Variants in DGKB observed in about 807,000 individuals in gnomAD.
DGKB encodes the protein 90 kDa diacylglycerol kinase.
A neutral mutation model predicts 114.3 loss-of-function variants in DGKB; 67 were observed. The ratio of observed to expected loss-of-function variants is 0.59; its 90% CI spans 0.48 to 0.72. DGKB has a LOEUF of 0.72. Ranked by LOEUF, DGKB falls within the 30% of genes least tolerant of loss-of-function variation. The pLI, the probability that DGKB is intolerant of heterozygous loss-of-function variation, is 0.00. For synonymous variants in DGKB, 398 were observed against 323.1 expected, an observed-to-expected ratio of 1.23 and a Z score of -2.49; for missense variants, 907 against 975.2, an observed-to-expected ratio of 0.93 and a Z score of 0.93.
intron 23 of DGKB, among the ~76,000 whole-genome samples, chr7:14,298,607 A>C (rs768323295): frequency 1.3e-5 from 2 of 152,198 alleles, no homozygotes; most frequent in African/African-American, 2.4e-5. Flanking sequence ...AAACCCAGGC[A>C]ATACCACTCA....
intron 2 of DGKB, among the ~76,000 whole-genome samples, chr7:14,787,171 G>C (rs1185249579): frequency 6.6e-6 from 1 of 152,166 alleles, no homozygotes; most frequent in Admixed American, 6.5e-5. Flanking sequence ...TACGGGCCAA[G>C]AACTCAGGAC....
intron 23 of DGKB, among the ~76,000 whole-genome samples, chr7:14,316,655 CAAA>C (rs1320525135): frequency 4.4e-5 from 6 of 137,528 alleles, no homozygotes; most frequent in African/African-American, 1.7e-4. Context: ...GCTTACCAAC[CAAA>C]AAGAGTCCAG....
chr7:14,852,219 A>T (rs952944163), intron 1 of DGKB, among the ~76,000 whole-genome samples: 1 of 151,814 alleles, frequency 6.6e-6, no homozygotes, highest in African/African-American at 2.4e-5. Context: ...TGTATGTTTA[A>T]CTCTTAATTT....
rs549316470 is a variant in DGKB at position 14,260,631 on chromosome 7, G to C, written c.2122+77884C>G. ...CTTCCTATTACATCAGTTAGGTTAG[G>C]AACTTTCTATCGGTATAATTAGGGG... is the stretch of plus-strand genomic sequence containing the variant. On this transcript the variant is annotated intron_variant, in intron 23 of 25. Transcript: ENST00000402815. 4.6e-5 allele frequency among the ~76,000 whole-genome samples: 7 copies of C among 152,226 alleles called. No individual in the cohort carries two copies. In the East Asian group the frequency reaches 9.7e-4, roughly 21 times the overall value.
intron 23 of DGKB, among the ~76,000 whole-genome samples, chr7:14,187,459 C>G (rs1301125245): frequency 6.6e-6 from 1 of 152,232 alleles, no homozygotes; most frequent in African/African-American, 2.4e-5. Context: ...GGTCCAACAG[C>G]TGGTCCAGTG....
chr7:14,486,584 T>C (rs1783843814), intron 20 of DGKB, among the ~76,000 whole-genome samples: 1 of 152,144 alleles, frequency 6.6e-6, no homozygotes, highest in South Asian at 2.1e-4. Flanking sequence ...TGTGGGGATC[T>C]CAACTGGCCA....
intron 13 of DGKB, among the ~76,000 whole-genome samples, chr7:14,652,328 C>G (rs906395823): frequency 6.6e-6 from 1 of 152,050 alleles, no homozygotes; most frequent in African/African-American, 2.4e-5. Flanking sequence ...CAGAACAGAG[C>G]CCTCAGAAAT....
intron 23 of DGKB, among the ~76,000 whole-genome samples, chr7:14,202,073 C>A (rs1785980457): frequency 6.6e-6 from 1 of 151,916 alleles, no homozygotes; most frequent in South Asian, 2.1e-4. Flanking sequence ...AAATATATTT[C>A]TTTTGATAAA....
chr7:14,378,554 A>G (rs111798851), intron 21 of DGKB, among the ~76,000 whole-genome samples: 44 of 152,302 alleles, frequency 2.9e-4, no homozygotes, highest in African/African-American at 7.7e-4. Context: ...AGTGATTCAA[A>G]AAGTCACTTA....
intron 1 of DGKB, among the ~76,000 whole-genome samples, chr7:14,878,103 C>T (rs1432479892): frequency 6.7e-6 from 1 of 148,530 alleles, no homozygotes. Context: ...GAAATATGTA[C>T]ATAAACAAAT....
At chr7:14,358,157 A>T (rs1405614411) in intron 21 of DGKB, among the ~76,000 whole-genome samples, 1 of 151,900 alleles carries the variant, frequency 6.6e-6, no homozygotes, top group Non-Finnish European at 1.5e-5. Context: ...AGTTTGGGGA[A>T]CTTCTCCTGG....
Position 14,701,221 on chromosome 7 carries a change from C to A in DGKB, c.516+460G>T, listed in dbSNP as rs112852595. Among the ~76,000 whole-genome samples, 1,236 of 152,082 alleles carry A rather than the reference C, an allele frequency of 8.1e-3. 11 individuals carry two copies. Among genetic ancestry groups the A allele is most frequent in the African/African-American group, 0.028 (1,168 of 41,506 alleles). On this transcript the variant is annotated intron_variant, in intron 7 of 25. Coordinates refer to ENST00000402815, the MANE Select transcript of DGKB (RefSeq NM_001350709.2). ...TGTAAATACATTTACCTATTTCAGC[C>A]GCATATAGGACAAAAGATACCATGT...
At chr7:14,537,591 G>C (rs1792721818) in intron 20 of DGKB, among the ~76,000 whole-genome samples, 1 of 151,990 alleles carries the variant, frequency 6.6e-6, no homozygotes, top group Non-Finnish European at 1.5e-5. Flanking sequence ...CCCTCCAAAA[G>C]AATGAAATCA....
chr7:14,519,663 C>A (rs1789419837), intron 20 of DGKB, among the ~76,000 whole-genome samples: 1 of 151,906 alleles, frequency 6.6e-6, no homozygotes, highest in African/African-American at 2.4e-5. Flanking sequence ...TTCATTTTAT[C>A]TACTGGAAAC....
intron 13 of DGKB, among the ~76,000 whole-genome samples, chr7:14,661,003 T>A (rs4358695): frequency 6.9e-6 from 1 of 144,444 alleles, no homozygotes; most frequent in Non-Finnish European, 1.5e-5. Flanking sequence ...CTAGCCATAT[T>A]TAGAAAGCTG....
chr7:14,149,295 C>T, intron 25 of DGKB, 57 bp from the exon 26 acceptor site: 3 of 1,299,658 alleles, frequency 2.3e-6, no homozygotes, highest in South Asian at 2.5e-5. Flanking sequence ...CAGATAGATA[C>T]AATACCAATT....
chr7:14,264,382 CT>C (rs952975227), intron 23 of DGKB, among the ~76,000 whole-genome samples: 1 of 152,158 alleles, frequency 6.6e-6, no homozygotes, highest in African/African-American at 2.4e-5. Context: ...ACAACCGCTT[CT>C]GGGGACCTCA....
intron 1 of DGKB, among the ~76,000 whole-genome samples, chr7:14,874,548 T>A (rs1587085492): frequency 6.6e-6 from 1 of 151,948 alleles, no homozygotes; most frequent in African/African-American, 2.4e-5. Flanking sequence ...ACATATCATA[T>A]AATTTTCTCT....
intron 1 of DGKB, among the ~76,000 whole-genome samples, chr7:14,866,592 T>C (rs1851744484): frequency 6.6e-6 from 1 of 152,148 alleles, no homozygotes; most frequent in African/African-American, 2.4e-5. Flanking sequence ...TGAATAATAT[T>C]CCATTGTCTG....
Sources: allele counts gnomAD v4.1 joint callset (sites outside exome capture counted in the v4.1 genomes callset), GRCh38; gene constraint gnomAD v4.1.1; transcripts MANE v1.5; gene names NCBI Gene and HGNC (gene_info 2026-07-23, HGNC 2026-07-21).